Variants in PPFIBP2 observed in about 807,000 individuals in gnomAD.
PPFIBP2 encodes the protein liprin-beta-2.
Under a neutral mutation model 118.3 loss-of-function variants are expected in PPFIBP2, and 118 were observed. The ratio of observed to expected loss-of-function variants is 1.00; its 90% CI spans 0.86 to 1.16. PPFIBP2 has a LOEUF of 1.16. Ranked by LOEUF, PPFIBP2 falls within the 50% of genes most tolerant of loss-of-function variation. PPFIBP2 has a pLI of 0.00. For synonymous variants in PPFIBP2, 414 were observed against 397.4 expected, an observed-to-expected ratio of 1.04 and a Z score of -0.50; for missense variants, 1,195 against 1,073.1, an observed-to-expected ratio of 1.11 and a Z score of -1.59.
chr11:7,643,023 C>A (rs900547656), intron 17 of PPFIBP2, among the ~76,000 whole-genome samples: 1 of 152,146 alleles, frequency 6.6e-6, no homozygotes, highest in Admixed American at 6.5e-5. Context: ...TGAGTATCCC[C>A]AGACTCCAGG....
chr11:7,610,537 T>C, intron 6 of PPFIBP2, 115 bp downstream of exon 6: 1 of 1,388,122 alleles, frequency 7.2e-7, no homozygotes, highest in East Asian at 2.3e-5. Context: ...GAAATATCTA[T>C]ACACTAGAGA....
intron 2 of PPFIBP2, 61 bp downstream of exon 2, chr11:7,549,600 C>G: frequency 7.6e-7 from 1 of 1,308,388 alleles, no homozygotes; most frequent in Non-Finnish European, 1.0e-6. Context: ...AACTGCTTCT[C>G]TCCTTTTACT....
chr11:7,555,588 G>A (rs1406661280), intron 2 of PPFIBP2, among the ~76,000 whole-genome samples: 3 of 152,156 alleles, frequency 2.0e-5, no homozygotes, highest in African/African-American at 7.2e-5. Flanking sequence ...CCCATTGCAG[G>A]TTGTGAGAGC....
chr11:7,618,995 T>A (rs1405795234), intron 6 of PPFIBP2, among the ~76,000 whole-genome samples: 2 of 151,554 alleles, frequency 1.3e-5, no homozygotes, highest in Non-Finnish European at 2.9e-5. Context: ...GTAAGCAATG[T>A]CAACTTTGTG....
At chr11:7,636,202 CTG>C (rs2135822452) in intron 14 of PPFIBP2, among the ~76,000 whole-genome samples, 1 of 152,300 alleles carries the variant, frequency 6.6e-6, no homozygotes, top group African/African-American at 2.4e-5. Flanking sequence ...TTTCCCTTCT[CTG>C]TCCCCTGCCT....
In PPFIBP2 at chr11:7,651,857, G is replaced by C. The variant is rs112614088; in HGVS notation, c.2436+13G>C. On this transcript the variant is annotated intron_variant, in intron 23 of 23. Coordinates refer to ENST00000299492, the MANE Select transcript of PPFIBP2 (RefSeq NM_003621.5). ...AGCCAAAGTCCGGGTGAGTTGCAGAGCCTTTCTGGGTGGGCCCTGGGCTGC... is the reference window on the plus strand; with the variant it reads ...AGCCAAAGTCCGGGTGAGTTGCAGACCCTTTCTGGGTGGGCCCTGGGCTGC... 31,280 of 1,600,508 alleles carry C rather than the reference G, an allele frequency of 0.02. 2,541 individuals carry two copies. In the African/African-American group the frequency reaches 0.24, roughly 12 times the overall value.
At chr11:7,545,534 C>T (rs760159343) in intron 1 of PPFIBP2, among the ~76,000 whole-genome samples, 1 of 152,168 alleles carries the variant, frequency 6.6e-6, no homozygotes, top group Non-Finnish European at 1.5e-5. Flanking sequence ...TAATCTCTTA[C>T]TGTGCCGTGC....
intron 1 of PPFIBP2, among the ~76,000 whole-genome samples, chr11:7,541,644 T>C (rs959367764): frequency 6.6e-6 from 1 of 152,196 alleles, no homozygotes; most frequent in Non-Finnish European, 1.5e-5. Context: ...TTCATGCAAT[T>C]GCTTAAATAC....
At chr11:7,525,139 G>A (rs1253363506) in intron 1 of PPFIBP2, among the ~76,000 whole-genome samples, 1 of 152,144 alleles carries the variant, frequency 6.6e-6, no homozygotes, top group Non-Finnish European at 1.5e-5. Context: ...GTTTTCTCCA[G>A]CATGAGGACT....
chr11:7,520,297 T>C (rs1380301348), intron 1 of PPFIBP2, among the ~76,000 whole-genome samples: 1 of 152,096 alleles, frequency 6.6e-6, no homozygotes, highest in Non-Finnish European at 1.5e-5. Flanking sequence ...CCTTTTGGTT[T>C]TCAGGGGGTA....
intron 3 of PPFIBP2, among the ~76,000 whole-genome samples, chr11:7,569,443 G>A (rs1200049512): frequency 6.6e-6 from 1 of 152,212 alleles, no homozygotes; most frequent in Non-Finnish European, 1.5e-5. Context: ...TAAGTATAAT[G>A]AGGAGAAGTG....
chr11:7,629,385 G>A, intron 9 of PPFIBP2, 74 bp from the exon 10 acceptor site: 1 of 1,404,972 alleles, frequency 7.1e-7, no homozygotes, highest in South Asian at 1.2e-5. Context: ...CAAGAACATA[G>A]CGTGGGTTCC....
chr11:7,591,555 A>G (rs1009602261), intron 3 of PPFIBP2, among the ~76,000 whole-genome samples: 14 of 151,984 alleles, frequency 9.2e-5, no homozygotes, highest in African/African-American at 3.4e-4. Flanking sequence ...GAGAACCGGA[A>G]TATTAATTTA....
chr11:7,578,170 A>T (rs1405382116), intron 3 of PPFIBP2, among the ~76,000 whole-genome samples: 3 of 152,230 alleles, frequency 2.0e-5, no homozygotes, highest in African/African-American at 7.2e-5. Flanking sequence ...CAAGTTGTTC[A>T]TGCCCTTTCT....
intron 2 of PPFIBP2, among the ~76,000 whole-genome samples, chr11:7,555,642 G>C (rs1260472695): frequency 6.6e-6 from 1 of 152,200 alleles, no homozygotes; most frequent in Admixed American, 6.5e-5. Flanking sequence ...GGGGTCTTAG[G>C]AGTGTCTAAG....
intron 1 of PPFIBP2, among the ~76,000 whole-genome samples, chr11:7,541,566 G>C (rs1851788414): frequency 6.6e-6 from 1 of 152,148 alleles, no homozygotes; most frequent in Non-Finnish European, 1.5e-5. Flanking sequence ...TCTCCCCGGT[G>C]GCTGCATGGT....
chr11:7,605,399 C>G (rs1203971234), intron 5 of PPFIBP2, among the ~76,000 whole-genome samples: 1 of 152,180 alleles, frequency 6.6e-6, no homozygotes, highest in Non-Finnish European at 1.5e-5. Flanking sequence ...TGGAACAGTT[C>G]CTGAAAGGAG....
At chr11:7,556,222 G>A (rs567774250) in intron 2 of PPFIBP2, among the ~76,000 whole-genome samples, 4 of 152,298 alleles carry the variant, frequency 2.6e-5, no homozygotes, top group East Asian at 3.9e-4. Context: ...TTGGGAGGCC[G>A]AGGCGGGCGA....
At chr11:7,542,194 A>G (rs984064510) in intron 1 of PPFIBP2, among the ~76,000 whole-genome samples, 1 of 152,230 alleles carries the variant, frequency 6.6e-6, no homozygotes, top group Non-Finnish European at 1.5e-5. Context: ...CAAATTGCCT[A>G]ATCTGTTTTC....
Sources: gnomAD v4.1 joint callset for allele counts (sites outside exome capture counted in the v4.1 genomes callset) on GRCh38, gnomAD v4.1.1 for gene constraint, MANE v1.5 for transcripts, NCBI Gene and HGNC (gene_info 2026-07-23, HGNC 2026-07-21) for gene names.